PLB1: variants seen among roughly 807,000 people sequenced by gnomAD.
PLB1 encodes phospholipase B1, membrane-associated.
A neutral mutation model predicts 227.4 loss-of-function variants in PLB1; 242 were observed. The ratio of observed to expected loss-of-function variants is 1.06; its 90% CI spans 0.96 to 1.18. The LOEUF is 1.18. Among genes scored for constraint, PLB1 ranks in the 50% most tolerant of loss-of-function variants. PLB1 has a pLI of 0.00. For synonymous variants in PLB1, 757 were observed against 682.2 expected (o/e 1.11, Z -1.71); for missense variants, 1,858 against 1,816.3 (o/e 1.02, Z -0.42).
At position 28,543,419 on chromosome 2, in the gene PLB1, A is replaced by G. The variant is rs1672782950; in HGVS notation, c.936+151A>G. 7 of 819,030 alleles carry G rather than the reference A, an allele frequency of 8.5e-6. No individual in the cohort carries two copies. The Admixed American group carries it at 1.7e-4, about 20-fold the overall frequency. The allele number at this position is 819,030 out of a possible 1,614,324, so 50.7% of individuals were successfully genotyped here. A position where few individuals can be genotyped will look rare whatever the true frequency, so the allele number is the denominator to read the frequency against. On this transcript the variant is annotated intron_variant, in intron 14 of 57. Transcript: ENST00000327757. ...CCAGGGATGCTTCTGTCTCCCGGTG[A>G]CGCCCCTCTCTGACTGCCTGAGACT...
At chr2:28,561,525 T>A (rs1421110331) in intron 17 of PLB1, among the ~76,000 whole-genome samples, 1 of 152,170 alleles carries the variant, frequency 6.6e-6, no homozygotes, top group Non-Finnish European at 1.5e-5. Flanking sequence ...ATAACCCAAA[T>A]GCCTATCGAT....
chr2:28,523,612 C>A (rs948780538), intron 4 of PLB1, among the ~76,000 whole-genome samples: 2 of 151,946 alleles, frequency 1.3e-5, no homozygotes, highest in Non-Finnish European at 2.9e-5. Flanking sequence ...CTTCCCCCAA[C>A]CCCCTCTCCT....
intron 21 of PLB1, among the ~76,000 whole-genome samples, chr2:28,576,958 T>G (rs943654671): frequency 2.0e-5 from 3 of 152,198 alleles, no homozygotes; most frequent in Non-Finnish European, 4.4e-5. Context: ...CACTAATGTT[T>G]CCTGCTAAGC....
intron 46 of PLB1, among the ~76,000 whole-genome samples, chr2:28,619,878 T>C (rs1412739010): frequency 6.6e-6 from 1 of 152,102 alleles, no homozygotes; most frequent in Non-Finnish European, 1.5e-5. Flanking sequence ...GGGTCAGGGC[T>C]GGGGTTGGGG....
At chr2:28,621,458 A>G (rs1337618081) in intron 49 of PLB1, among the ~76,000 whole-genome samples, 1 of 152,154 alleles carries the variant, frequency 6.6e-6, no homozygotes, top group African/African-American at 2.4e-5. Flanking sequence ...GGCTCTGAAA[A>G]AGCTATATTC....
chr2:28,608,894 G>A (rs940809620), intron 43 of PLB1, among the ~76,000 whole-genome samples: 1 of 151,508 alleles, frequency 6.6e-6, no homozygotes, highest in Admixed American at 6.6e-5. Flanking sequence ...CAATTTTCAT[G>A]TCTCCATTCT....
chr2:28,528,667 C>T (rs537725570), intron 6 of PLB1, among the ~76,000 whole-genome samples: 6 of 152,346 alleles, frequency 3.9e-5, no homozygotes, highest in Non-Finnish European at 7.3e-5. Flanking sequence ...CTCAGTTTTC[C>T]CTTTCTCTAA....
At chr2:28,565,449 G>T in intron 19 of PLB1, 96 bp downstream of exon 19, 4 of 1,147,694 alleles carry the variant, frequency 3.5e-6, no homozygotes, top group Non-Finnish European at 3.7e-6. Flanking sequence ...AAGCAGAAGG[G>T]TGGGCCATTT....
intron 1 of PLB1, among the ~76,000 whole-genome samples, chr2:28,499,621 C>T (rs973481826): frequency 1.3e-5 from 2 of 151,650 alleles, no homozygotes; most frequent in African/African-American, 4.9e-5. Flanking sequence ...CGTGGTGGCT[C>T]ACACCTGTAA....
rs1673741063 is a variant in PLB1 at position 28,548,921 on chromosome 2, G to A, written c.998G>A (p.Cys333Tyr). ...GTAAAACACGGGAGGCCAATGAAGTGTCCCTCTCAGGTAGGAGGGACTGGG... is the reference window on the plus strand; with the variant it reads ...GTAAAACACGGGAGGCCAATGAAGTATCCCTCTCAGGTAGGAGGGACTGGG... ...LSVKHGRPMK[C>Y]PSQESPYLFS... is the part of the protein sequence containing the mutation. The change falls in exon 15 of 58, where the codon TGT becomes TAT. Residue 333 changes from cysteine to tyrosine, a missense_variant. Cys to Tyr is a radical substitution (Grantham distance 194). Coordinates refer to ENST00000327757, the MANE Select transcript of PLB1 (RefSeq NM_153021.5). 6.2e-7 allele frequency: 1 copy of A among 1,613,958 alleles called. No homozygotes were observed. Among genetic ancestry groups the A allele is most frequent in the Non-Finnish European group, 8.5e-7 (1 of 1,179,944 alleles).
At chr2:28,577,286 T>G (rs530900074) in intron 21 of PLB1, among the ~76,000 whole-genome samples, 1 of 152,202 alleles carries the variant, frequency 6.6e-6, no homozygotes, top group Non-Finnish European at 1.5e-5. Context: ...TGATCTTGTC[T>G]CCATTTTGTA....
chr2:28,635,202 G>A (rs1321299729), intron 56 of PLB1, among the ~76,000 whole-genome samples: 1 of 152,064 alleles, frequency 6.6e-6, no homozygotes, highest in Non-Finnish European at 1.5e-5. Flanking sequence ...TATAATTTGG[G>A]GAAATAATTA....
At chr2:28,573,534 G>T (rs1302462429) in intron 21 of PLB1, among the ~76,000 whole-genome samples, 2 of 152,192 alleles carry the variant, frequency 1.3e-5, no homozygotes, top group Non-Finnish European at 2.9e-5. Flanking sequence ...CCAGGCATAT[G>T]CTCTGAGCAG....
rs764840640 is a variant in PLB1 at position 28,573,225 on chromosome 2, G to C, written c.1353G>C (p.Leu451=). 1.1e-5 allele frequency: 18 copies of C among 1,613,994 alleles called. No homozygotes were observed. In the Admixed American group the frequency reaches 2.3e-4, roughly 21 times the overall value. ...TCCTCCGGGAATTCAACCCTTCCCTGAAGGGCTTCTCTGTTGGCACTGGGA... is the reference window on the plus strand; with the variant it reads ...TCCTCCGGGAATTCAACCCTTCCCTCAAGGGCTTCTCTGTTGGCACTGGGA... ...ANILREFNPS[L]KGFSVGTGKE... is the part of the protein sequence containing the mutation. The change falls in exon 21 of 58, where the codon CTG becomes CTC. Residue 451 remains leucine, a synonymous_variant. Coordinates refer to ENST00000327757, the MANE Select transcript of PLB1 (RefSeq NM_153021.5).
At chr2:28,534,506 G>C (rs1671416362) in intron 9 of PLB1, among the ~76,000 whole-genome samples, 1 of 152,194 alleles carries the variant, frequency 6.6e-6, no homozygotes, top group Admixed American at 6.5e-5. Context: ...TTTCTATATG[G>C]ATACTTGTAC....
intron 17 of PLB1, among the ~76,000 whole-genome samples, chr2:28,554,489 C>CTGTTTTTTTTT (rs1674728737): frequency 1.2e-5 from 1 of 85,468 alleles, no homozygotes. Context: ...CCACACCTGC[C>CTGTTTTTTTTT]TTTTTTTTTT....
At chr2:28,607,284 C>T (rs1349341040) in intron 43 of PLB1, among the ~76,000 whole-genome samples, 1 of 152,216 alleles carries the variant, frequency 6.6e-6, no homozygotes, top group Non-Finnish European at 1.5e-5. Context: ...CTGACCCAAT[C>T]TGGGAGGCTG....
intron 34 of PLB1, 126 bp from the exon 35 acceptor site, chr2:28,598,526 C>A: frequency 1.4e-6 from 1 of 720,692 alleles, no homozygotes; most frequent in Non-Finnish European, 2.5e-6. Context: ...TGCCTCCCTG[C>A]CTCTCCCCAG....
At position 28,548,847 on chromosome 2, in the gene PLB1, C is replaced by T. The variant is rs371546160; in HGVS notation, c.937-13C>T. ...CAAAACTTCCCTGTTCTAAAGCCCA[C>T]GTTCCTTTCTAGATGGAGCCAGCAG... is the stretch of plus-strand genomic sequence containing the variant. On this transcript the variant is annotated splice_polypyrimidine_tract_variant and intron_variant, in intron 14 of 57. Transcript: ENST00000327757. 871 of 1,613,914 alleles carry T rather than the reference C, an allele frequency of 5.4e-4. No homozygotes were observed. Among genetic ancestry groups the T allele is most frequent in the Admixed American group, 7.2e-4 (43 of 60,012 alleles).
Sources: allele counts gnomAD v4.1 joint callset (sites outside exome capture counted in the v4.1 genomes callset), GRCh38; gene constraint gnomAD v4.1.1; transcripts MANE v1.5; gene names NCBI Gene and HGNC (gene_info 2026-07-23, HGNC 2026-07-21).